LSR: variants seen among roughly 807,000 people sequenced by gnomAD.
LSR encodes the protein lipolysis stimulated lipoprotein receptor.
A neutral mutation model predicts 61.8 loss-of-function variants in LSR; 44 were observed. The ratio of observed to expected loss-of-function variants is 0.71; its 90% CI spans 0.56 to 0.91. The LOEUF is 0.91. Among genes scored for constraint, LSR ranks in the 40% least tolerant of loss-of-function variants. The pLI is 0.00. For synonymous variants in LSR, 397 were observed against 350.6 expected (o/e 1.13, Z -1.48); for missense variants, 911 against 830.5 (o/e 1.10, Z -1.19).
rs371182815 is a variant in LSR, at chr19:35,254,117, T to C, written c.454+3458T>C. Among the ~76,000 whole-genome samples the C allele has an allele frequency of 1.1e-4, 16 of 152,292 alleles. No homozygotes were observed. The South Asian group carries it at 3.1e-3, about 30-fold the overall frequency. On this transcript the variant is annotated intron_variant, in intron 2 of 9. Transcript: ENST00000605618. The stretch of plus-strand genomic sequence containing the variant: ...CTGTGCTGGGGTTTTTCTGTTGTTG[T>C]TGTTTTTTTTCTGTTGCCCAGGCTG...
intron 2 of LSR, among the ~76,000 whole-genome samples, chr19:35,258,484 A>G (rs976031067): frequency 6.6e-6 from 1 of 150,994 alleles, no homozygotes; most frequent in Non-Finnish European, 1.5e-5. Flanking sequence ...GGCATGGTGG[A>G]GTGCCTGTAG....
Position 35,257,111 on chromosome 19 carries a change from T to G in LSR, c.455-1834T>G, listed in dbSNP as rs1357185718. 2.0e-5 allele frequency among the ~76,000 whole-genome samples: 3 copies of G among 152,188 alleles called. No individual in the cohort carries two copies. In the South Asian group the frequency reaches 6.2e-4, roughly 32 times the overall value. ...CCTCAGCCTCCCAAAGTGTTAGGATTACAGGTGTGAGCCACCATGTCCGGC... is the reference window on the plus strand; with the variant it reads ...CCTCAGCCTCCCAAAGTGTTAGGATGACAGGTGTGAGCCACCATGTCCGGC... On this transcript the variant is annotated intron_variant, in intron 2 of 9. Transcript: ENST00000605618.
intron 4 of LSR, 96 bp downstream of exon 4, chr19:35,262,077 C>A: frequency 8.5e-7 from 1 of 1,182,334 alleles, no homozygotes; most frequent in Non-Finnish European, 1.2e-6. Flanking sequence ...CCACTAAACC[C>A]TGCTCACTGT....
intron 2 of LSR, among the ~76,000 whole-genome samples, chr19:35,254,272 T>A (rs1185712874): frequency 6.6e-6 from 1 of 152,172 alleles, no homozygotes; most frequent in Non-Finnish European, 1.5e-5. Context: ...TTTTGTATCT[T>A]TTTGGTAGAG....
intron 5 of LSR, chr19:35,264,394 A>G (rs1190328164): frequency 1.3e-5 from 2 of 152,226 alleles, no homozygotes; most frequent in African/African-American, 2.4e-5. Context: ...ATGTTTGTGA[A>G]TATCCCAACG....
At position 35,267,915 on chromosome 19, in the gene LSR, A is replaced by G; in HGVS notation, c.*56A>G. The G allele has an allele frequency of 1.3e-6, 2 of 1,580,042 alleles. No homozygotes were observed. Among genetic ancestry groups the G allele is most frequent in the Non-Finnish European group, 8.7e-7 (1 of 1,150,732 alleles). On this transcript the variant is annotated 3_prime_UTR_variant, in exon 10 of 10. Transcript: ENST00000605618. ...TTTTTTTTAATTTGAAGGAACACTG[A>G]TGAAGCCCTGCCATACCCCTCCCGA...
intron 3 of LSR, chr19:35,259,519 T>C (rs1182183672): frequency 6.3e-6 from 1 of 157,978 alleles, no homozygotes; most frequent in Non-Finnish European, 1.4e-5. Context: ...ATGCCTGTAA[T>C]CCCAGTTACT....
chr19:35,262,577 T>A lies in LSR; in HGVS notation c.663T>A (p.Ala221=). 6.2e-7 allele frequency: 1 copy of A among 1,614,242 alleles called. No individual in the cohort carries two copies. Among genetic ancestry groups the A allele is most frequent in the Non-Finnish European group, 8.5e-7 (1 of 1,180,022 alleles). The change falls in exon 5 of 10, where the codon GCT becomes GCA. Residue 221 remains alanine (A), a synonymous_variant. Transcript: ENST00000605618. ...TCTTCGTGGTTGTGGTATGCCTGGC[T>A]GCCTTCCTCATCTTCCTCCTCCTGG... ...DWLFVVVVCL[A]AFLIFLLLGI...
Position 35,250,587 on chromosome 19 carries a change from G to A in LSR, c.382G>A (p.Val128Met), listed in dbSNP as rs375353677. ...CQDSVRTVRV[V>M]ATKQGNAVTL... ...GGACAGCGTGCGCACCGTCAGGGTC[G>A]TGGCCACCAAGCAGGGCAACGCTGT... is the stretch of plus-strand genomic sequence containing the variant. The change falls in exon 2 of 10, where the codon GTG (valine) becomes ATG (methionine). Residue 128 changes from valine (V) to methionine (M), a missense_variant. Coordinates refer to ENST00000605618, the MANE Select transcript of LSR (RefSeq NM_205834.4). 86 of 1,611,382 alleles carry A rather than the reference G, an allele frequency of 5.3e-5. No individual in the cohort carries two copies. The highest frequency in any genetic ancestry group is 7.1e-5 in the Non-Finnish European group (84 of 1,178,188).
At position 35,250,544 on chromosome 19, in the gene LSR, C is replaced by T. The variant is rs2065779763; in HGVS notation, c.339C>T (p.Asn113=). The part of the protein sequence containing the change: ...AQLAAGNPGY[N]PYVECQDSVR... ...TGGCAGCCGGGAACCCAGGCTACAACCCCTACGTTGAGTGCCAGGACAGCG... is the reference window on the plus strand; with the variant it reads ...TGGCAGCCGGGAACCCAGGCTACAATCCCTACGTTGAGTGCCAGGACAGCG... The change falls in exon 2 of 10, where the codon AAC becomes AAT. Residue 113 remains asparagine, a synonymous_variant. Coordinates refer to ENST00000605618, the MANE Select transcript of LSR (RefSeq NM_205834.4). The T allele has an allele frequency of 2.5e-6, 4 of 1,614,134 alleles. No homozygotes were observed. The highest frequency in any genetic ancestry group is 2.5e-6 in the Non-Finnish European group (3 of 1,180,020).
intron 1 of LSR, 189 bp downstream of exon 1, chr19:35,249,320 T>C: frequency 4.8e-6 from 3 of 628,846 alleles, no homozygotes; most frequent in Non-Finnish European, 5.0e-6. Flanking sequence ...CGGGGAGCGC[T>C]CCCCGCGCCC....
At chr19:35,263,291 G>GA (rs1373632672) in intron 5 of LSR, among the ~76,000 whole-genome samples, 2 of 149,266 alleles carry the variant, frequency 1.3e-5, no homozygotes, top group Admixed American at 1.3e-4. Context: ...AAAAAAAAAA[G>GA]AAAAAAAAAT....
At chr19:35,252,470 G>A (rs1471352578) in intron 2 of LSR, among the ~76,000 whole-genome samples, 3 of 151,444 alleles carry the variant, frequency 2.0e-5, no homozygotes, top group Non-Finnish European at 4.4e-5. Context: ...CCAACATGGT[G>A]AAACCCCGTC....
At chr19:35,258,624 A>G in intron 2 of LSR, among the ~76,000 whole-genome samples, 1 of 151,908 alleles carries the variant, frequency 6.6e-6, no homozygotes, top group East Asian at 1.9e-4. Flanking sequence ...AAAAAAAAAA[A>G]CAACCTCAGG....
At chr19:35,258,891 G>A in intron 2 of LSR, 54 bp from the exon 3 acceptor site, 4 of 1,610,692 alleles carry the variant, frequency 2.5e-6, no homozygotes, top group Admixed American at 3.3e-5. Context: ...GGCCCTCCAG[G>A]GGTTAGGTGC....
intron 2 of LSR, among the ~76,000 whole-genome samples, chr19:35,258,394 C>T (rs936867457): frequency 1.3e-4 from 19 of 151,662 alleles, no homozygotes; most frequent in African/African-American, 4.1e-4. Flanking sequence ...TGTAGTGAGC[C>T]GAGATTAGTT....
In LSR at chr19:35,250,650, A is replaced by G; in HGVS notation, c.445A>G (p.Ile149Val). 2 of 1,556,546 alleles carry G rather than the reference A, an allele frequency of 1.3e-6. No homozygotes were observed. The highest frequency in any genetic ancestry group is 1.7e-6 in the Non-Finnish European group (2 of 1,143,538). ...TTACTACCAGGGCCGGAGGATTACC[A>G]TCACCGGAAGTATGTTGGGCAGGGC... ...GDYYQGRRITITGNADLTFDQ... is the reference protein window; with the variant it reads ...GDYYQGRRITVTGNADLTFDQ... The change falls in exon 2 of 10, where the codon ATC becomes GTC. Residue 149 changes from isoleucine to valine, a missense_variant. Coordinates refer to ENST00000605618, the MANE Select transcript of LSR (RefSeq NM_205834.4).
intron 1 of LSR, among the ~76,000 whole-genome samples, chr19:35,249,936 G>A (rs984121990): frequency 6.6e-6 from 1 of 152,188 alleles, no homozygotes; most frequent in Non-Finnish European, 1.5e-5. Flanking sequence ...TTGAAGTGGG[G>A]CCTTGGGCGC....
Position 35,266,352 on chromosome 19 carries a change from C to T in LSR, c.779-7C>T. The T allele has an allele frequency of 1.9e-6, 3 of 1,568,350 alleles. No homozygotes were observed. The highest frequency in any genetic ancestry group is 2.6e-6 in the Non-Finnish European group (3 of 1,156,176). On this transcript the variant is annotated splice_region_variant and splice_polypyrimidine_tract_variant and intron_variant, in intron 5 of 9. Coordinates refer to ENST00000605618, the MANE Select transcript of LSR (RefSeq NM_205834.4). ...TCCCCCTTCTCCTGTTGATTGTGTC[C>T]TCACAGTGTATGCCGCCGGCAAAGC... is the stretch of plus-strand genomic sequence containing the variant.
Sources: gnomAD v4.1 joint callset for allele counts (sites outside exome capture counted in the v4.1 genomes callset) on GRCh38, gnomAD v4.1.1 for gene constraint, MANE v1.5 for transcripts, NCBI Gene and HGNC (gene_info 2026-07-23, HGNC 2026-07-21) for gene names.